ARB2A: variants seen among roughly 807,000 people sequenced by gnomAD.
ARB2A encodes the protein ARB2 cotranscriptional regulator A.
the ARB2A span, among the ~76,000 whole-genome samples, chr5:93,827,228 C>T: frequency 6.6e-6 from 1 of 152,138 alleles, no homozygotes; most frequent in Non-Finnish European, 1.5e-5. Context: ...TAAAAGTGTT[C>T]CTATTTCTCC....
At chr5:94,012,887 T>C in the ARB2A span, among the ~76,000 whole-genome samples, 6 of 152,106 alleles carry the variant, frequency 3.9e-5, no homozygotes, top group Admixed American at 6.5e-5. Flanking sequence ...AGCTTTAAGG[T>C]AGTATTTGTA....
chr5:93,659,180 AAAC>A, the ARB2A span, among the ~76,000 whole-genome samples: 1 of 152,094 alleles, frequency 6.6e-6, no homozygotes. Context: ...TCCATGACAG[AAAC>A]AACTGAGTAA....
At chr5:93,765,586 G>A in the ARB2A span, among the ~76,000 whole-genome samples, 3 of 152,280 alleles carry the variant, frequency 2.0e-5, no homozygotes, top group Non-Finnish European at 2.9e-5. Flanking sequence ...CTCATGGGTA[G>A]GAAGAATCAA....
At chr5:93,972,502 C>T in the ARB2A span, among the ~76,000 whole-genome samples, 1 of 151,988 alleles carries the variant, frequency 6.6e-6, no homozygotes, top group Non-Finnish European at 1.5e-5. Flanking sequence ...TATCAGCTCT[C>T]TTAGATGAGA....
At chr5:93,779,727 G>C in the ARB2A span, among the ~76,000 whole-genome samples, 1 of 152,128 alleles carries the variant, frequency 6.6e-6, no homozygotes, top group Non-Finnish European at 1.5e-5. Context: ...GAAGGAAAAA[G>C]AGAAAAATAG....
chr5:93,830,331 A>G, the ARB2A span, among the ~76,000 whole-genome samples: 509 of 138,918 alleles, frequency 3.7e-3, 14 homozygotes, highest in African/African-American at 9.2e-3. Context: ...ATATATATAT[A>G]TATATATATA....
chr5:94,051,171 G>A, the ARB2A span, among the ~76,000 whole-genome samples: 1 of 152,078 alleles, frequency 6.6e-6, no homozygotes, highest in Non-Finnish European at 1.5e-5. Context: ...TACCTGAGGA[G>A]TAAAAGCATA....
chr5:93,995,498 T>C, the ARB2A span, among the ~76,000 whole-genome samples: 1 of 152,208 alleles, frequency 6.6e-6, no homozygotes, highest in Admixed American at 6.5e-5. Context: ...TCTGCAGCTG[T>C]GGTTGACTGC....
chr5:93,682,326 A>G, the ARB2A span, among the ~76,000 whole-genome samples: 6 of 151,604 alleles, frequency 4.0e-5, no homozygotes, highest in Admixed American at 2.0e-4. Context: ...AATATTTGTC[A>G]TTGCAATATT....
At chr5:93,921,150 A>G in the ARB2A span, among the ~76,000 whole-genome samples, 1 of 140,410 alleles carries the variant, frequency 7.1e-6, no homozygotes, top group African/African-American at 2.7e-5. Context: ...CAGTGTAAAG[A>G]CCATGTTAAA....
At chr5:93,652,299 T>C in the ARB2A span, among the ~76,000 whole-genome samples, 1 of 152,164 alleles carries the variant, frequency 6.6e-6, no homozygotes, top group African/African-American at 2.4e-5. Context: ...GGCCTCCCTT[T>C]GAAGTTGAAA....
At chr5:93,617,875 C>T in the ARB2A span, among the ~76,000 whole-genome samples, 2 of 152,082 alleles carry the variant, frequency 1.3e-5, no homozygotes, top group Non-Finnish European at 2.9e-5. Flanking sequence ...GTAAAAGGTG[C>T]AAGCCAAATA....
chr5:93,776,004 T>C, the ARB2A span, among the ~76,000 whole-genome samples: 1 of 152,254 alleles, frequency 6.6e-6, no homozygotes, highest in South Asian at 2.1e-4. Context: ...AAATATGTGA[T>C]AGTGGATTCT....
chr5:93,982,197 T>C, the ARB2A span, among the ~76,000 whole-genome samples: 16 of 152,296 alleles, frequency 1.1e-4, no homozygotes, highest in Non-Finnish European at 1.5e-4. Context: ...TTTCCTCCTT[T>C]GTCAGGTCTC....
At chr5:93,857,484 C>A in the ARB2A span, among the ~76,000 whole-genome samples, 1 of 152,144 alleles carries the variant, frequency 6.6e-6, no homozygotes, top group African/African-American at 2.4e-5. Context: ...CAAGCCTGGG[C>A]AATGGTGGGC....
chr5:93,971,569 A>AACATAAAT, the ARB2A span, among the ~76,000 whole-genome samples: 1 of 139,356 alleles, frequency 7.2e-6, no homozygotes, highest in East Asian at 2.1e-4. Context: ...CTCCGTCTCA[A>AACATAAAT]AAATAAATAA....
At chr5:93,795,914 G>A in the ARB2A span, among the ~76,000 whole-genome samples, 1 of 151,738 alleles carries the variant, frequency 6.6e-6, no homozygotes, top group East Asian at 1.9e-4. Flanking sequence ...GGGAATGATT[G>A]GATTTTCTGA....
chr5:94,097,047 C>CAG, the ARB2A span, among the ~76,000 whole-genome samples: 1 of 152,176 alleles, frequency 6.6e-6, no homozygotes, highest in African/African-American at 2.4e-5. Flanking sequence ...CCAGCCTGTG[C>CAG]AGAGCCCAGA....
the ARB2A span, among the ~76,000 whole-genome samples, chr5:93,946,547 A>G: frequency 6.6e-6 from 1 of 152,204 alleles, no homozygotes; most frequent in African/African-American, 2.4e-5. Flanking sequence ...TGGTTGTAGT[A>G]GTACTGTAAA....
Sources: gnomAD v4.1 joint callset for allele counts (sites outside exome capture counted in the v4.1 genomes callset) on GRCh38, gnomAD v4.1.1 for gene constraint, MANE v1.5 for transcripts, NCBI Gene and HGNC (gene_info 2026-07-23, HGNC 2026-07-21) for gene names.